The following ARSJ variants were observed in gnomAD, a reference collection of about 807,000 sequenced individuals.
ARSJ encodes the protein arylsulfatase J.
ARSJ carries 26 observed loss-of-function variants against 35.9 expected under a neutral mutation model. That is an observed-to-expected ratio of 0.72 (90% CI 0.53 to 1.00). ARSJ has a LOEUF of 1.00. ARSJ is among the 50% of genes least tolerant of loss of function. ARSJ has a pLI of 0.00. For synonymous variants in ARSJ, 294 were observed against 267.6 expected (o/e 1.10, Z -0.96); for missense variants, 667 against 723.6 (o/e 0.92, Z 0.90).
At chr4:113,921,542 G>A (rs1328535669) in intron 1 of ARSJ, among the ~76,000 whole-genome samples, 1 of 152,060 alleles carries the variant, frequency 6.6e-6, no homozygotes, top group African/African-American at 2.4e-5. Context: ...CCAAGGCTCT[G>A]GGCTCTAGAT....
chr4:113,922,571 A>T (rs1399002066), intron 1 of ARSJ, among the ~76,000 whole-genome samples: 1 of 152,184 alleles, frequency 6.6e-6, no homozygotes, highest in Non-Finnish European at 1.5e-5. Context: ...TACCTGGAAA[A>T]TGACAATATT....
At chr4:113,953,301 G>A (rs956046212) in intron 1 of ARSJ, among the ~76,000 whole-genome samples, 3 of 151,900 alleles carry the variant, frequency 2.0e-5, no homozygotes, top group Non-Finnish European at 2.9e-5. Flanking sequence ...TGCGGTGAGT[G>A]GACACATCTT....
At chr4:113,936,381 T>C (rs1344989386) in intron 1 of ARSJ, among the ~76,000 whole-genome samples, 1 of 151,882 alleles carries the variant, frequency 6.6e-6, no homozygotes, top group Non-Finnish European at 1.5e-5. Flanking sequence ...AAAAAGAATA[T>C]GAAAAATTAT....
intron 1 of ARSJ, among the ~76,000 whole-genome samples, chr4:113,931,309 T>A (rs918940425): frequency 6.6e-6 from 1 of 152,134 alleles, no homozygotes; most frequent in African/African-American, 2.4e-5. Context: ...TTCTTCTTCA[T>A]TAACAACTTT....
chr4:113,950,579 A>T (rs1236050014), intron 1 of ARSJ, among the ~76,000 whole-genome samples: 1 of 152,024 alleles, frequency 6.6e-6, no homozygotes, highest in Non-Finnish European at 1.5e-5. Context: ...AAGATGAGGG[A>T]AAGGGAAGAA....
intron 1 of ARSJ, among the ~76,000 whole-genome samples, chr4:113,964,266 C>A (rs1006184404): frequency 2.0e-5 from 3 of 152,012 alleles, no homozygotes; most frequent in African/African-American, 7.2e-5. Context: ...CTGATTTAAA[C>A]AACACACTGA....
chr4:113,954,431 C>G (rs536895700), intron 1 of ARSJ, among the ~76,000 whole-genome samples: 1 of 152,104 alleles, frequency 6.6e-6, no homozygotes, highest in Admixed American at 6.6e-5. Context: ...TCTGAAAATA[C>G]AGATTTTAAA....
At chr4:113,973,289 T>G (rs1727389710) in intron 1 of ARSJ, among the ~76,000 whole-genome samples, 2 of 152,184 alleles carry the variant, frequency 1.3e-5, no homozygotes, top group Non-Finnish European at 2.9e-5. Context: ...CCAATCACTA[T>G]TATCTATGTT....
At chr4:113,947,449 C>T (rs1269788950) in intron 1 of ARSJ, among the ~76,000 whole-genome samples, 1 of 150,830 alleles carries the variant, frequency 6.6e-6, no homozygotes, top group Non-Finnish European at 1.5e-5. Context: ...AGTTGTACTC[C>T]AGCCTGGGCA....
chr4:113,909,463 C>T (rs116756467), intron 1 of ARSJ, among the ~76,000 whole-genome samples: 356 of 152,232 alleles, frequency 2.3e-3, no homozygotes, highest in African/African-American at 8.3e-3. Flanking sequence ...ACTGTAGTTC[C>T]CATAATCCCC....
At chr4:113,954,715 C>T (rs1454173739) in intron 1 of ARSJ, among the ~76,000 whole-genome samples, 3 of 152,086 alleles carry the variant, frequency 2.0e-5, no homozygotes, top group Non-Finnish European at 4.4e-5. Flanking sequence ...GCCCAGCTCA[C>T]ACTGGGCACT....
intron 1 of ARSJ, among the ~76,000 whole-genome samples, chr4:113,970,082 G>A (rs534482398): frequency 1.2e-4 from 18 of 152,288 alleles, no homozygotes; most frequent in African/African-American, 4.1e-4. Flanking sequence ...GAGTTTTAAT[G>A]AGTGGTTGGC....
At chr4:113,956,468 A>G (rs1562368841) in intron 1 of ARSJ, among the ~76,000 whole-genome samples, 2 of 152,056 alleles carry the variant, frequency 1.3e-5, no homozygotes, top group African/African-American at 4.8e-5. Context: ...GCCATTTACT[A>G]TGTATCATAT....
chr4:113,963,194 T>C (rs1421023605), intron 1 of ARSJ, among the ~76,000 whole-genome samples: 1 of 152,038 alleles, frequency 6.6e-6, no homozygotes, highest in Non-Finnish European at 1.5e-5. Flanking sequence ...CTTCTTGCAC[T>C]AGAATATGAA....
intron 1 of ARSJ, among the ~76,000 whole-genome samples, chr4:113,911,829 A>C (rs2099670553): frequency 1.3e-5 from 2 of 152,214 alleles, no homozygotes; most frequent in South Asian, 4.1e-4. Flanking sequence ...ACATGCATGC[A>C]CAAAAGGGTA....
At chr4:113,944,442 T>A (rs2149271341) in intron 1 of ARSJ, 1 of 152,182 alleles carries the variant, frequency 6.6e-6, no homozygotes, top group Non-Finnish European at 1.5e-5. Flanking sequence ...TCTCATAATT[T>A]TGGACTCATC....
intron 1 of ARSJ, chr4:113,944,101 G>A (rs1460410510): frequency 6.6e-6 from 1 of 152,092 alleles, no homozygotes; most frequent in Non-Finnish European, 1.5e-5. Flanking sequence ...AGTGATGTTT[G>A]TGGTTTGGGC....
intron 1 of ARSJ, among the ~76,000 whole-genome samples, chr4:113,967,444 T>C (rs1726963594): frequency 6.6e-6 from 1 of 152,170 alleles, no homozygotes; most frequent in Non-Finnish European, 1.5e-5. Context: ...TAATGCTCTA[T>C]GTATTTTTGC....
At chr4:113,913,516 AC>A (rs1346606527) in intron 1 of ARSJ, among the ~76,000 whole-genome samples, 1 of 152,160 alleles carries the variant, frequency 6.6e-6, no homozygotes, top group Non-Finnish European at 1.5e-5. Flanking sequence ...ACTACCAAAT[AC>A]CTACTGACAT....
Sources: gnomAD v4.1 joint callset for allele counts (sites outside exome capture counted in the v4.1 genomes callset) on GRCh38, gnomAD v4.1.1 for gene constraint, MANE v1.5 for transcripts, NCBI Gene and HGNC (gene_info 2026-07-23, HGNC 2026-07-21) for gene names.